LRFN2: variants seen among roughly 807,000 people sequenced by gnomAD.
LRFN2 encodes the protein leucine-rich repeat and fibronectin type-III domain-containing protein 2.
Under a neutral mutation model 37.3 loss-of-function variants are expected in LRFN2, and 18 were observed. That is an observed-to-expected ratio of 0.48 (90% CI 0.33 to 0.72). LRFN2 has a LOEUF of 0.72. Ranked by LOEUF, LRFN2 falls within the 30% of genes least tolerant of loss-of-function variation. The pLI, the probability that LRFN2 is intolerant of heterozygous loss-of-function variation, is 0.02. For missense variants in LRFN2, 1,006 were observed against 1,060.7 expected (o/e 0.95, Z 0.72); for synonymous variants, 556 against 466.6 (o/e 1.19, Z -2.47).
At chr6:40,543,866 T>G (rs946209768) in intron 1 of LRFN2, among the ~76,000 whole-genome samples, 1 of 152,236 alleles carries the variant, frequency 6.6e-6, no homozygotes, top group African/African-American at 2.4e-5. Flanking sequence ...TGTCTTGCCC[T>G]TGGTGTGGCA....
intron 1 of LRFN2, among the ~76,000 whole-genome samples, chr6:40,536,968 AAC>A (rs1228291634): frequency 6.6e-6 from 1 of 152,182 alleles, no homozygotes; most frequent in African/African-American, 2.4e-5. Flanking sequence ...ACCTCACCAC[AAC>A]ACAATGAGAT....
At chr6:40,462,792 T>C (rs757164861) in intron 1 of LRFN2, among the ~76,000 whole-genome samples, 3 of 152,190 alleles carry the variant, frequency 2.0e-5, no homozygotes, top group Non-Finnish European at 4.4e-5. Context: ...GCCAGGTCAG[T>C]CTGGCCACAG....
chr6:40,404,858 C>G (rs537640810), intron 2 of LRFN2, among the ~76,000 whole-genome samples: 1 of 152,306 alleles, frequency 6.6e-6, no homozygotes, highest in South Asian at 2.1e-4. Flanking sequence ...TATGACTCTT[C>G]CAGTTCTCCA....
chr6:40,541,853 A>G (rs1766561029), intron 1 of LRFN2, among the ~76,000 whole-genome samples: 1 of 152,182 alleles, frequency 6.6e-6, no homozygotes, highest in African/African-American at 2.4e-5. Context: ...CACATGCCCA[A>G]CAGTTGGTTT....
intron 1 of LRFN2, among the ~76,000 whole-genome samples, chr6:40,538,658 C>A (rs1224429442): frequency 6.6e-6 from 1 of 152,242 alleles, no homozygotes; most frequent in Non-Finnish European, 1.5e-5. Context: ...CTCCCCGGGG[C>A]TATCCCCATT....
chr6:40,494,453 A>G (rs547237827), intron 1 of LRFN2, among the ~76,000 whole-genome samples: 1 of 152,324 alleles, frequency 6.6e-6, no homozygotes, highest in South Asian at 2.1e-4. Context: ...AGTCTTACAA[A>G]TTGCTTTAAA....
intron 1 of LRFN2, among the ~76,000 whole-genome samples, chr6:40,474,505 T>G (rs1449510830): frequency 2.0e-5 from 3 of 151,656 alleles, no homozygotes; most frequent in East Asian, 1.9e-4. Flanking sequence ...GTTTTGTTTT[T>G]TTGAGATGCA....
intron 1 of LRFN2, among the ~76,000 whole-genome samples, chr6:40,580,267 G>C (rs1208958213): frequency 6.6e-6 from 1 of 152,176 alleles, no homozygotes; most frequent in African/African-American, 2.4e-5. Flanking sequence ...ACTTGCTGGA[G>C]TTTAGTGTGA....
At chr6:40,512,628 G>A (rs1429096966) in intron 1 of LRFN2, among the ~76,000 whole-genome samples, 1 of 152,138 alleles carries the variant, frequency 6.6e-6, no homozygotes, top group Non-Finnish European at 1.5e-5. Flanking sequence ...TGGCAGATGT[G>A]TACTCAGCCT....
chr6:40,484,948 G>C (rs558760175), intron 1 of LRFN2, among the ~76,000 whole-genome samples: 92 of 152,306 alleles, frequency 6.0e-4, no homozygotes, highest in African/African-American at 2.1e-3. Context: ...GAAGCAATGA[G>C]AGTTCAAATA....
intron 1 of LRFN2, among the ~76,000 whole-genome samples, chr6:40,498,915 A>G (rs1765302936): frequency 1.3e-5 from 2 of 152,230 alleles, no homozygotes; most frequent in African/African-American, 4.8e-5. Context: ...CATGCTTGGG[A>G]CTAGAGATAT....
At chr6:40,393,688 G>C (rs1008684587) in intron 2 of LRFN2, among the ~76,000 whole-genome samples, 1 of 152,146 alleles carries the variant, frequency 6.6e-6, no homozygotes, top group African/African-American at 2.4e-5. Context: ...CTGACCCTGT[G>C]CCAGCCCACC....
At chr6:40,438,354 C>T (rs1173804738) in intron 1 of LRFN2, among the ~76,000 whole-genome samples, 1 of 152,124 alleles carries the variant, frequency 6.6e-6, no homozygotes, top group Non-Finnish European at 1.5e-5. Flanking sequence ...CACAAGGTAC[C>T]CTTGTGCAGG....
At chr6:40,413,452 T>A (rs1458850361) in intron 2 of LRFN2, among the ~76,000 whole-genome samples, 2 of 152,122 alleles carry the variant, frequency 1.3e-5, no homozygotes, top group African/African-American at 2.4e-5. Context: ...TGATGACTCA[T>A]GTAGGGCAGA....
chr6:40,392,131 C>T lies in LRFN2; in HGVS notation c.2182G>A (p.Asp728Asn), dbSNP rs1234307709. Reference sequence around the variant, plus strand: ...CCTCCCGCCGCCGCAGCAGCAAAGTCCCCCATGTCGAAGGAGTGGCTGCGT... The same window carrying T: ...CCTCCCGCCGCCGCAGCAGCAAAGTTCCCCATGTCGAAGGAGTGGCTGCGT... ...AKRSHSFDMGDFAAAAAGGVV... is the reference protein window; with the variant it reads ...AKRSHSFDMGNFAAAAAGGVV... The change falls in exon 3 of 3, where the codon GAC becomes AAC. Residue 728 changes from aspartate to asparagine, a missense_variant. Physicochemically the swap from Asp to Asn is conservative, Grantham distance 23. Transcript: ENST00000338305. The surrounding 1 kb of genome is among the most constrained non-coding windows in gnomAD (Gnocchi z 4.7). 1 of 1,612,196 alleles carries T rather than the reference C, an allele frequency of 6.2e-7. No individual in the cohort carries two copies. Among genetic ancestry groups the T allele is most frequent in the Non-Finnish European group, 8.5e-7 (1 of 1,179,168 alleles).
At chr6:40,426,065 T>C (rs1334633307) in intron 2 of LRFN2, among the ~76,000 whole-genome samples, 3 of 152,014 alleles carry the variant, frequency 2.0e-5, no homozygotes, top group Admixed American at 2.0e-4. Context: ...TCTGCCAAGA[T>C]TTTTGTCTCT....
chr6:40,398,296 T>C (rs941927722), intron 2 of LRFN2, among the ~76,000 whole-genome samples: 9 of 151,800 alleles, frequency 5.9e-5, no homozygotes, highest in South Asian at 2.1e-4. Context: ...TCACCCTCCA[T>C]TGAGGCACAT....
intron 1 of LRFN2, among the ~76,000 whole-genome samples, chr6:40,527,060 AG>A (rs1228587054): frequency 6.6e-6 from 1 of 152,124 alleles, no homozygotes; most frequent in Non-Finnish European, 1.5e-5. Flanking sequence ...GGCTAAGGGA[AG>A]GGCCCCTAAA....
chr6:40,448,891 C>A (rs1764035409), intron 1 of LRFN2, among the ~76,000 whole-genome samples: 1 of 152,076 alleles, frequency 6.6e-6, no homozygotes, highest in Non-Finnish European at 1.5e-5. Flanking sequence ...TCCTGTTTTG[C>A]CAAAGGAAGG....
Sources: allele counts gnomAD v4.1 joint callset (sites outside exome capture counted in the v4.1 genomes callset), GRCh38; gene constraint gnomAD v4.1.1; non-coding constraint Gnocchi (gnomAD v3.1); transcripts MANE v1.5; gene names NCBI Gene and HGNC (gene_info 2026-07-23, HGNC 2026-07-21).